The following NLGN1 variants were observed in gnomAD, a reference collection of about 807,000 sequenced individuals.
NLGN1 encodes the protein neuroligin 1, also known as neuroligin-1.
Under a neutral mutation model 65.5 loss-of-function variants are expected in NLGN1, and 12 were observed. The ratio of observed to expected loss-of-function variants is 0.18; its 90% CI spans 0.12 to 0.30. The LOEUF (loss-of-function observed/expected upper bound fraction) is 0.30. Among genes scored for constraint, NLGN1 ranks in the 10% least tolerant of loss-of-function variants. The pLI is 1.00. For synonymous variants in NLGN1, 350 were observed against 359.5 expected, an observed-to-expected ratio of 0.97 and a Z score of 0.30; for missense variants, 750 against 1,007.1, an observed-to-expected ratio of 0.74 and a Z score of 3.46.
intron 3 of NLGN1, among the ~76,000 whole-genome samples, chr3:173,620,666 T>A (rs1753850396): frequency 6.6e-6 from 1 of 152,080 alleles, no homozygotes; most frequent in Non-Finnish European, 1.5e-5. Context: ...GACATCTATA[T>A]GAATTTATTT....
chr3:174,198,705 AT>A (rs1234719686), intron 4 of NLGN1, among the ~76,000 whole-genome samples: 1 of 151,930 alleles, frequency 6.6e-6, no homozygotes, highest in East Asian at 1.9e-4. Context: ...TCAATTCATT[AT>A]TTTTACCTTT....
At chr3:174,065,354 T>G (rs544609369) in intron 4 of NLGN1, among the ~76,000 whole-genome samples, 2 of 152,258 alleles carry the variant, frequency 1.3e-5, no homozygotes, top group South Asian at 4.1e-4. Context: ...AGAGGATGTA[T>G]GTATAATTTA....
chr3:173,462,535 C>T (rs910070992), intron 2 of NLGN1, among the ~76,000 whole-genome samples: 1 of 152,016 alleles, frequency 6.6e-6, no homozygotes, highest in African/African-American at 2.4e-5. Flanking sequence ...TTCTTCATTT[C>T]ATTAGAAAGT....
chr3:174,290,631 A>G (rs1445409073), downstream of NLGN1, among the ~76,000 whole-genome samples: 1 of 151,168 alleles, frequency 6.6e-6, no homozygotes. Flanking sequence ...ATAAGCACAT[A>G]TTGAAAGTAA....
intron 2 of NLGN1, among the ~76,000 whole-genome samples, chr3:173,554,496 A>G (rs1432972281): frequency 6.6e-6 from 1 of 152,218 alleles, no homozygotes; most frequent in African/African-American, 2.4e-5. Flanking sequence ...TAACACCTGC[A>G]CAACCCAGAA....
chr3:173,605,401 C>A, intron 3 of NLGN1, 133 bp from the exon 3 acceptor site: 2 of 445,430 alleles, frequency 4.5e-6, no homozygotes, highest in South Asian at 2.2e-5. Flanking sequence ...ATTGCATGTG[C>A]AGGCTCAACG....
At chr3:174,264,344 T>C in intron 4 of NLGN1, among the ~76,000 whole-genome samples, 1 of 146,858 alleles carries the variant, frequency 6.8e-6, no homozygotes, top group Non-Finnish European at 1.5e-5. Flanking sequence ...TTTGGTCTTT[T>C]CACATAGTCC....
intron 3 of NLGN1, among the ~76,000 whole-genome samples, chr3:173,698,916 G>A (rs1766663757): frequency 6.6e-6 from 1 of 152,082 alleles, no homozygotes. Flanking sequence ...GAGTACAATG[G>A]CGTGATCTCA....
intron 4 of NLGN1, among the ~76,000 whole-genome samples, chr3:174,254,306 A>ATTTTTTTTTTTTTTTTT (rs371427726): frequency 1.5e-4 from 17 of 113,764 alleles, no homozygotes; most frequent in East Asian, 2.4e-4. Context: ...GTCCTTTTTA[A>ATTTTTTTTTTTTTTTTT]TTTTTTTTTT....
intron 4 of NLGN1, among the ~76,000 whole-genome samples, chr3:174,001,174 T>C (rs1371890668): frequency 4.6e-5 from 7 of 152,140 alleles, no homozygotes; most frequent in Non-Finnish European, 1.0e-4. Flanking sequence ...AAAATTGAAA[T>C]GGGTTTTTGA....
chr3:173,844,942 A>T (rs1158143156), intron 4 of NLGN1, among the ~76,000 whole-genome samples: 2 of 152,236 alleles, frequency 1.3e-5, no homozygotes, highest in Non-Finnish European at 2.9e-5. Context: ...TGAAGACATT[A>T]TGTTATGATC....
chr3:173,903,721 C>T (rs1012553814), intron 4 of NLGN1, among the ~76,000 whole-genome samples: 2 of 152,084 alleles, frequency 1.3e-5, no homozygotes, highest in Non-Finnish European at 2.9e-5. Context: ...TGGAGGGCCT[C>T]CTGAAACAAT....
intron 4 of NLGN1, among the ~76,000 whole-genome samples, chr3:173,868,731 G>T (rs1450854657): frequency 6.6e-6 from 1 of 152,044 alleles, no homozygotes; most frequent in Admixed American, 6.6e-5. Flanking sequence ...ACTTTACTGG[G>T]GCCCTATCTC....
intron 4 of NLGN1, among the ~76,000 whole-genome samples, chr3:173,893,790 T>C (rs925351239): frequency 2.0e-5 from 3 of 152,218 alleles, no homozygotes; most frequent in African/African-American, 7.2e-5. Flanking sequence ...AATTTTGTTT[T>C]CCTCTGCTTA....
chr3:173,801,681 A>T (rs1715485808), intron 3 of NLGN1, among the ~76,000 whole-genome samples: 2 of 152,092 alleles, frequency 1.3e-5, no homozygotes, highest in African/African-American at 4.8e-5. Flanking sequence ...AAAATGTATG[A>T]CATTTGATTA....
At position 173,638,952 on chromosome 3, in the gene NLGN1, A is replaced by G. The variant is rs377294344; in HGVS notation, c.493+33861A>G. On this transcript the variant is annotated intron_variant, in intron 3 of 6. Coordinates refer to ENST00000457714, the Ensembl canonical transcript of NLGN1. ...GAGTAGTATTTATGAAAACAGAAAA[A>G]AAAGAGTTGAAACTTCAAGAGAAGT... Among the ~76,000 whole-genome samples the G allele has an allele frequency of 2.6e-5, 4 of 152,290 alleles. No individual in the cohort carries two copies. The South Asian group carries it at 6.2e-4, about 24-fold the overall frequency.
intron 3 of NLGN1, among the ~76,000 whole-genome samples, chr3:173,645,684 A>G (rs1161876028): frequency 1.3e-5 from 2 of 152,244 alleles, no homozygotes; most frequent in Non-Finnish European, 2.9e-5. Flanking sequence ...TTTCAAACTA[A>G]TTGAGCAATC....
rs145802137 is a variant in NLGN1, at chr3:173,917,841, TTGTGTGTGTGTGTGTG to T, written c.646+110023_646+110038del. Among the ~76,000 whole-genome samples the T allele has an allele frequency of 2.5e-4, 36 of 146,492 alleles. No individual in the cohort carries two copies. In the South Asian group the frequency reaches 7.4e-3, roughly 30 times the overall value. ...GCTCTGAAATTCTTACAAAGCAACA[TTGTGTGTGTGTGTGTG>T]TGTGTGTGTGTGTTGGCCTTTATCT... On this transcript the variant is annotated intron_variant, in intron 4 of 6. Transcript: ENST00000457714.
rs1727577528 is a variant in NLGN1, at chr3:174,020,675, CTTG to C, written c.646+212850_646+212852del. The stretch of plus-strand genomic sequence containing the variant: ...TGCAAATGGTAATTTGAAAGCTTGG[CTTG>C]TTGTTGAATCACTGAATATATTTCA... On this transcript the variant is annotated intron_variant, in intron 4 of 6. Transcript: ENST00000457714. Among the ~76,000 whole-genome samples the C allele has an allele frequency of 3.3e-5, 5 of 151,968 alleles. 1 individual carries two copies. In the South Asian group the frequency reaches 6.2e-4, roughly 19 times the overall value.
Sources: allele counts gnomAD v4.1 joint callset (sites outside exome capture counted in the v4.1 genomes callset), GRCh38; gene constraint gnomAD v4.1.1; transcripts MANE v1.5; gene names NCBI Gene and HGNC (gene_info 2026-07-23, HGNC 2026-07-21).